The following POSTN variants were observed in gnomAD, a reference collection of about 807,000 sequenced individuals.
The protein encoded by POSTN is periostin.
Under a neutral mutation model 104.5 loss-of-function variants are expected in POSTN, and 71 were observed. That is an observed-to-expected ratio of 0.68 (90% confidence interval 0.56 to 0.83). The LOEUF (loss-of-function observed/expected upper bound fraction) is 0.83. POSTN is among the 40% of genes least tolerant of loss of function. POSTN has a pLI of 0.00. For missense variants in POSTN, 949 were observed against 1,006.8 expected, an observed-to-expected ratio of 0.94 and a Z score of 0.78; for synonymous variants, 355 against 340.7, an observed-to-expected ratio of 1.04 and a Z score of -0.46.
chr13:37,574,730 T>C (rs892851357), intron 16 of POSTN, 78 bp from the exon 17 acceptor site: 12 of 1,456,704 alleles, frequency 8.2e-6, no homozygotes, highest in Non-Finnish European at 1.1e-5. Flanking sequence ...TTTCCTTTTC[T>C]TTTTTGTCTC....
intron 17 of POSTN, among the ~76,000 whole-genome samples, chr13:37,573,018 G>A (rs565205568): frequency 6.6e-6 from 1 of 151,624 alleles, no homozygotes; most frequent in African/African-American, 2.4e-5. Flanking sequence ...GCCATGTAGA[G>A]ATGACCCGCC....
intron 7 of POSTN, 133 bp downstream of exon 7, chr13:37,586,006 T>C (rs1003160739): frequency 5.6e-6 from 4 of 709,846 alleles, no homozygotes; most frequent in Non-Finnish European, 8.9e-6. Context: ...TTGGAAGACA[T>C]AGTACATCTC....
chr13:37,572,491 C>A (rs879402272), intron 17 of POSTN, among the ~76,000 whole-genome samples: 2 of 151,408 alleles, frequency 1.3e-5, no homozygotes, highest in Non-Finnish European at 3.0e-5. Flanking sequence ...AAAGAAAGGA[C>A]GCCTAAGGAA....
intron 5 of POSTN, among the ~76,000 whole-genome samples, chr13:37,587,218 C>T (rs116228915): frequency 0.014 from 2,116 of 151,964 alleles, 54 homozygotes; most frequent in African/African-American, 0.049. Context: ...CTCTTTTATG[C>T]AAATAGTCAT....
chr13:37,574,691 T>A, intron 16 of POSTN, 39 bp from the exon 17 acceptor site: 1 of 1,532,940 alleles, frequency 6.5e-7, no homozygotes, highest in Non-Finnish European at 8.7e-7. Context: ...AATATTTACA[T>A]AAAAACCTGA....
intron 2 of POSTN, among the ~76,000 whole-genome samples, chr13:37,594,226 G>T (rs1261310890): frequency 6.6e-6 from 1 of 152,046 alleles, no homozygotes; most frequent in Non-Finnish European, 1.5e-5. Context: ...ATACAAATGT[G>T]CTTAGTCCAT....
intron 19 of POSTN, 132 bp downstream of exon 19, chr13:37,570,448 C>T: frequency 1.7e-6 from 1 of 602,576 alleles, no homozygotes; most frequent in South Asian, 2.4e-5. Context: ...ATTATATCTG[C>T]CAAAATATGA....
intron 4 of POSTN, 52 bp downstream of exon 4, chr13:37,590,320 G>T: frequency 7.2e-7 from 1 of 1,385,800 alleles, no homozygotes; most frequent in South Asian, 1.5e-5. Context: ...CAGTTAAAAT[G>T]AAATAACAAT....
chr13:37,567,214 C>T (rs1324360419), intron 21 of POSTN, among the ~76,000 whole-genome samples: 5 of 94,356 alleles, frequency 5.3e-5, no homozygotes, highest in African/African-American at 2.2e-4. Context: ...CCAGCCTGGG[C>T]GACAGAGCGA....
At chr13:37,573,373 G>A (rs1451062003) in intron 17 of POSTN, among the ~76,000 whole-genome samples, 1 of 150,750 alleles carries the variant, frequency 6.6e-6, no homozygotes, top group African/African-American at 2.4e-5. Context: ...ACTATAGAAA[G>A]TCGATTAAAT....
chr13:37,574,526 A>G, intron 17 of POSTN, 46 bp downstream of exon 17: 1 of 1,543,990 alleles, frequency 6.5e-7, no homozygotes, highest in Non-Finnish European at 8.7e-7. Context: ...GTATTTTTAC[A>G]GATGTTTTTA....
intron 2 of POSTN, among the ~76,000 whole-genome samples, chr13:37,595,452 A>G (rs1433903248): frequency 4.6e-5 from 7 of 152,218 alleles, no homozygotes; most frequent in East Asian, 1.9e-4. Flanking sequence ...TTGAAACTCT[A>G]TTAAGCCAAT....
Position 37,580,691 on chromosome 13 carries a change from A to T in POSTN, c.1399T>A (p.Cys467Ser), listed in dbSNP as rs781490979. 6.2e-7 allele frequency: 1 copy of T among 1,614,006 alleles called. No homozygotes were observed. The highest frequency in any genetic ancestry group is 8.5e-7 in the Non-Finnish European group (1 of 1,180,000). ...TTCTCCATGCATGAATTTTCAATGC[A>T]GACAGCCTAGGAAAGGAAAGAAAGG... ...LRVFVYRTAV[C>S]IENSCMEKGS... Residue 467 changes from cysteine (C) to serine (S), a missense_variant, in exon 11 of 23, where the codon TGC (cysteine) becomes AGC (serine). By Grantham distance (112) the Cys-to-Ser change is moderately radical. Coordinates refer to ENST00000379747, the MANE Select transcript of POSTN (RefSeq NM_006475.3).
At chr13:37,592,001 G>A (rs1281331229) in intron 3 of POSTN, 99 bp downstream of exon 3, 52 of 719,180 alleles carry the variant, frequency 7.2e-5, no homozygotes, top group Admixed American at 2.8e-4. Context: ...ATTTAGGATG[G>A]TGCTGAATAC....
intron 12 of POSTN, among the ~76,000 whole-genome samples, chr13:37,579,600 T>G (rs1950518917): frequency 6.6e-6 from 1 of 152,222 alleles, no homozygotes; most frequent in African/African-American, 2.4e-5. Context: ...AACTGTTTTC[T>G]TCTTTGTCCC....
chr13:37,581,537 T>C (rs1319569888), intron 10 of POSTN, among the ~76,000 whole-genome samples: 3 of 152,222 alleles, frequency 2.0e-5, no homozygotes, highest in Admixed American at 6.5e-5. Context: ...CTGGGAAATG[T>C]AGCAAGACCC....
intron 16 of POSTN, among the ~76,000 whole-genome samples, chr13:37,577,550 G>A (rs905078804): frequency 1.3e-5 from 2 of 152,026 alleles, no homozygotes; most frequent in African/African-American, 4.8e-5. Flanking sequence ...TATCATTTCT[G>A]TTTTTCCAAT....
In POSTN at chr13:37,563,310, A is replaced by AT; in HGVS notation, c.*22dup. 5.1e-6 allele frequency: 8 copies of AT among 1,556,712 alleles called. No individual in the cohort carries two copies. The highest frequency in any genetic ancestry group is 1.1e-5 in the South Asian group (1 of 87,330). On this transcript the variant is annotated 3_prime_UTR_variant, in exon 23 of 23. Transcript: ENST00000379747. ...GTTATTGACTTAGGGTTGTATAAAC[A>AT]TTTTTTTCTGGTTTTTGGATTTTCA...
intron 22 of POSTN, among the ~76,000 whole-genome samples, chr13:37,563,847 A>G (rs1266974772): frequency 1.3e-5 from 2 of 151,990 alleles, no homozygotes; most frequent in Non-Finnish European, 2.9e-5. Flanking sequence ...TGCTCTCTCA[A>G]TGTATTGGAA....
Sources: gnomAD v4.1 joint callset for allele counts (sites outside exome capture counted in the v4.1 genomes callset) on GRCh38, gnomAD v4.1.1 for gene constraint, MANE v1.5 for transcripts, NCBI Gene and HGNC (gene_info 2026-07-23, HGNC 2026-07-21) for gene names.